ACSL5: variants seen among roughly 807,000 people sequenced by gnomAD.
The protein encoded by ACSL5 is acyl-CoA synthetase long chain family member 5.
In ACSL5, 50 loss-of-function variants were observed where a neutral mutation model predicts 84.9. The ratio of observed to expected loss-of-function variants is 0.59; its 90% CI spans 0.47 to 0.75. The LOEUF (loss-of-function observed/expected upper bound fraction) is 0.75, where lower values mean the gene tolerates loss of function less well. ACSL5 is among the 30% of genes least tolerant of loss of function. ACSL5 has a pLI of 0.00. For synonymous variants in ACSL5, 280 were observed against 300.7 expected, an observed-to-expected ratio of 0.93 and a Z score of 0.71; for missense variants, 775 against 830.4, an observed-to-expected ratio of 0.93 and a Z score of 0.82.
intron 1 of ACSL5, among the ~76,000 whole-genome samples, chr10:112,379,171 G>A (rs1200620769): frequency 2.0e-5 from 3 of 152,242 alleles, no homozygotes; most frequent in South Asian, 2.1e-4. Flanking sequence ...TTGGGAGGCC[G>A]AGGCAGGCAG....
At chr10:112,415,801 T>A (rs1457114300) in intron 12 of ACSL5, among the ~76,000 whole-genome samples, 4 of 152,186 alleles carry the variant, frequency 2.6e-5, no homozygotes, top group Non-Finnish European at 4.4e-5. Context: ...AGACTTCAAT[T>A]GCCTTGAATC....
At chr10:112,382,912 A>G (rs1450371080) in intron 1 of ACSL5, among the ~76,000 whole-genome samples, 1 of 152,210 alleles carries the variant, frequency 6.6e-6, no homozygotes, top group Non-Finnish European at 1.5e-5. Context: ...GTGTTTTAAC[A>G]GGGCTCCCTT....
Position 112,417,851 on chromosome 10 carries a change from C to A in ACSL5, c.1224C>A (p.Ser408Arg). ...CTTTTGTTTCCACTGAACAGGACAG[C>A]CTGGGCGGAAGGGTTCGTGTAATTG... ...DKLIFAKIQD[S>R]LGGRVRVIVT... is the part of the protein sequence containing the mutation. The change falls in exon 14 of 21, where the codon AGC becomes AGA. Residue 408 changes from serine (S) to arginine (R), a missense_variant. Transcript: ENST00000354655. The A allele has an allele frequency of 6.2e-7, 1 of 1,613,966 alleles. No individual in the cohort carries two copies. Among genetic ancestry groups the A allele is most frequent in the Non-Finnish European group, 8.5e-7 (1 of 1,179,878 alleles).
chr10:112,407,501 C>A (rs922545868), intron 5 of ACSL5, among the ~76,000 whole-genome samples: 2 of 152,076 alleles, frequency 1.3e-5, no homozygotes, highest in Non-Finnish European at 2.9e-5. Flanking sequence ...GGATTACAGG[C>A]ATGAACCACT....
intron 1 of ACSL5, chr10:112,376,555 T>G: frequency 6.7e-7 from 1 of 1,499,274 alleles, no homozygotes; most frequent in Non-Finnish European, 9.1e-7. Context: ...CGACTTAGAA[T>G]CAAGGGCCGG....
At chr10:112,415,389 C>T (rs1274993303) in intron 12 of ACSL5, among the ~76,000 whole-genome samples, 5 of 152,010 alleles carry the variant, frequency 3.3e-5, no homozygotes, top group Admixed American at 6.6e-5. Context: ...TTAGTAGAGA[C>T]GGGTTTTCAC....
intron 1 of ACSL5, among the ~76,000 whole-genome samples, chr10:112,377,755 A>G (rs1816109079): frequency 6.6e-6 from 1 of 152,188 alleles, no homozygotes; most frequent in South Asian, 2.1e-4. Flanking sequence ...TGTATTTGGC[A>G]TAATAAAAGG....
At position 112,412,318 on chromosome 10, in the gene ACSL5, G is replaced by T. The variant is rs2290961; in HGVS notation, c.948+339G>T. 12 of 225,574 alleles carry T rather than the reference G, an allele frequency of 5.3e-5. No individual in the cohort carries two copies. In the East Asian group the frequency reaches 1.2e-3, roughly 23 times the overall value. 14.0% of individuals were successfully genotyped at this position (225,574 alleles called of 1,614,324 possible). On this transcript the variant is annotated intron_variant, in intron 11 of 20. Coordinates refer to ENST00000354655, the MANE Select transcript of ACSL5 (RefSeq NM_203379.2). ...TGTCTTCTTTTTAAATTTTATTTTG[G>T]TTAGAATTTTTGAAAAGATCTAGGA... is the stretch of plus-strand genomic sequence containing the variant.
intron 14 of ACSL5, among the ~76,000 whole-genome samples, chr10:112,420,380 A>C (rs1714916173): frequency 6.6e-6 from 1 of 152,194 alleles, no homozygotes; most frequent in Non-Finnish European, 1.5e-5. Context: ...TTTTATTTTA[A>C]AAATATTATT....
chr10:112,376,258 C>G (rs1000171729), intron 1 of ACSL5: 1 of 1,608,392 alleles, frequency 6.2e-7, no homozygotes, highest in African/African-American at 1.3e-5. Context: ...TGACTCGGGA[C>G]AGCTCAGAGC....
intron 1 of ACSL5, 65 bp downstream of exon 1, chr10:112,374,334 G>C (rs1024304268): frequency 6.6e-6 from 1 of 152,140 alleles, no homozygotes; most frequent in African/African-American, 2.4e-5. Context: ...GGAGGGGATT[G>C]GTGTGGGGAA....
At chr10:112,425,302 C>A in intron 17 of ACSL5, 36 bp from the exon 18 acceptor site, 1 of 1,570,198 alleles carries the variant, frequency 6.4e-7, no homozygotes. Flanking sequence ...ATCTCTGTGG[C>A]TCAAAAATAC....
At chr10:112,381,645 G>A (rs1194667103) in intron 1 of ACSL5, among the ~76,000 whole-genome samples, 2 of 144,552 alleles carry the variant, frequency 1.4e-5, no homozygotes, top group South Asian at 2.3e-4. Flanking sequence ...TCCAGCCTGG[G>A]TGACAGAGTG....
intron 1 of ACSL5, among the ~76,000 whole-genome samples, chr10:112,383,046 A>C (rs1849381665): frequency 6.6e-6 from 1 of 152,204 alleles, no homozygotes; most frequent in Non-Finnish European, 1.5e-5. Flanking sequence ...AGGCAGGTGG[A>C]TCGCTTCAGC....
chr10:112,376,396 G>A lies in ACSL5; in HGVS notation c.-30+2127G>A, dbSNP rs146797148. On this transcript the variant is annotated intron_variant, in intron 1 of 20. Transcript: ENST00000354655. Reference sequence around the variant, plus strand: ...ACTCGTGTGGCAGGAAGAACTCAGAGCCGGGAAGCCCCCATTCACTAGAAG... The same window carrying A: ...ACTCGTGTGGCAGGAAGAACTCAGAACCGGGAAGCCCCCATTCACTAGAAG... 3.1e-6 allele frequency: 5 copies of A among 1,614,042 alleles called. No homozygotes were observed. The African/African-American group carries it at 5.3e-5, about 17-fold the overall frequency.
At chr10:112,377,196 G>A (rs1217832682) in intron 1 of ACSL5, among the ~76,000 whole-genome samples, 1 of 152,114 alleles carries the variant, frequency 6.6e-6, no homozygotes, top group Admixed American at 6.5e-5. Context: ...TGAATCTATA[G>A]CTCCAATGTG....
chr10:112,387,438 C>T (rs1849475223), intron 1 of ACSL5, among the ~76,000 whole-genome samples: 1 of 152,150 alleles, frequency 6.6e-6, no homozygotes, highest in Non-Finnish European at 1.5e-5. Context: ...TCATACTGGC[C>T]TTTTGTCATT....
At chr10:112,375,435 G>A (rs1295926198) in intron 1 of ACSL5, 1 of 152,160 alleles carries the variant, frequency 6.6e-6, no homozygotes. Context: ...CTGCTCTGTA[G>A]AAAGAACAAA....
At position 112,427,440 on chromosome 10, in the gene ACSL5, G is replaced by T; in HGVS notation, c.*82G>T. 2 of 1,361,562 alleles carry T rather than the reference G, an allele frequency of 1.5e-6. No homozygotes were observed. The highest frequency in any genetic ancestry group is 2.6e-5 in the East Asian group (1 of 38,650). 84.3% of individuals were successfully genotyped at this position (1,361,562 alleles called of 1,614,324 possible). A position where few individuals can be genotyped will look rare whatever the true frequency, so the allele number is the denominator to read the frequency against. On this transcript the variant is annotated 3_prime_UTR_variant, in exon 21 of 21. Transcript: ENST00000354655. Reference sequence around the variant, plus strand: ...TAAAAACTATTCTTACATTTGTTTTGCCTTTCCTCCTATTTTTTTTTAACC... The same window carrying T: ...TAAAAACTATTCTTACATTTGTTTTTCCTTTCCTCCTATTTTTTTTTAACC...
Sources: allele counts gnomAD v4.1 joint callset (sites outside exome capture counted in the v4.1 genomes callset), GRCh38; gene constraint gnomAD v4.1.1; transcripts MANE v1.5; gene names NCBI Gene and HGNC (gene_info 2026-07-23, HGNC 2026-07-21).